The following DNAH8 variants were observed in gnomAD, a reference collection of about 807,000 sequenced individuals.
DNAH8 encodes the protein axonemal beta dynein heavy chain 8.
DNAH8 carries 382 observed loss-of-function variants against 562.1 expected under a neutral mutation model. The observed-to-expected ratio is 0.68, with a 90% CI of 0.63 to 0.74. The LOEUF (loss-of-function observed/expected upper bound fraction) is 0.74. DNAH8 is among the 30% of genes least tolerant of loss of function. The pLI is 0.00. For missense variants in DNAH8, 5,203 were observed against 5,620.4 expected (o/e 0.93, Z 2.37); for synonymous variants, 1,881 against 1,919.4 (o/e 0.98, Z 0.52).
chr6:38,729,321 A>G (rs1307740682), intron 3 of DNAH8, among the ~76,000 whole-genome samples: 2 of 152,226 alleles, frequency 1.3e-5, no homozygotes, highest in Admixed American at 6.5e-5. Context: ...TGTATTTCCC[A>G]TAGGATATTT....
chr6:39,002,947 C>T (rs754380592), intron 88 of DNAH8, among the ~76,000 whole-genome samples: 2 of 152,092 alleles, frequency 1.3e-5, no homozygotes, highest in African/African-American at 4.8e-5. Context: ...GCAGATAGTT[C>T]GGGTATGCAT....
rs774861357 is a variant in DNAH8, at chr6:38,750,568, A to G, written c.1386A>G (p.Gln462=). The G allele has an allele frequency of 4.4e-6, 7 of 1,607,012 alleles. No individual in the cohort carries two copies. The highest frequency in any genetic ancestry group is 5.1e-6 in the Non-Finnish European group (6 of 1,174,186). The change falls in exon 9 of 93, where the codon CAA becomes CAG. Residue 462 remains glutamine (Q), a synonymous_variant. Transcript: ENST00000327475. Reference sequence around the variant, plus strand: ...TGTATACTTTGGAAAAAGTGTGTCAACCTCTCTATAACCATGACCTAGTAA... The same window carrying G: ...TGTATACTTTGGAAAAAGTGTGTCAGCCTCTCTATAACCATGACCTAGTAA... The part of the protein sequence containing the change: ...RYLYTLEKVC[Q]PLYNHDLVSM...
intron 10 of DNAH8, among the ~76,000 whole-genome samples, chr6:38,757,766 T>G (rs938829088): frequency 6.6e-5 from 10 of 152,370 alleles, no homozygotes; most frequent in African/African-American, 1.9e-4. Flanking sequence ...CAGTGCCATT[T>G]ATTAAATAGG....
intron 38 of DNAH8, among the ~76,000 whole-genome samples, chr6:38,850,859 A>G (rs778508413): frequency 3.9e-5 from 6 of 151,990 alleles, no homozygotes; most frequent in Non-Finnish European, 8.8e-5. Flanking sequence ...TGTGTCTCTT[A>G]TGACGACATT....
intron 82 of DNAH8, among the ~76,000 whole-genome samples, chr6:38,961,016 G>A (rs1190057347): frequency 6.6e-6 from 1 of 151,892 alleles, no homozygotes; most frequent in Non-Finnish European, 1.5e-5. Context: ...AAAAAGAATG[G>A]CATTATGTCA....
intron 35 of DNAH8, among the ~76,000 whole-genome samples, chr6:38,845,208 C>G (rs1003223077): frequency 3.3e-5 from 5 of 152,108 alleles, no homozygotes; most frequent in African/African-American, 1.2e-4. Flanking sequence ...TCAAAAGACT[C>G]TTATGTATAT....
chr6:38,840,165 A>G (rs941828184), intron 33 of DNAH8, among the ~76,000 whole-genome samples: 8 of 152,202 alleles, frequency 5.3e-5, no homozygotes, highest in Admixed American at 1.3e-4. Context: ...ATCATCTCCA[A>G]TGGATCTGTG....
At chr6:38,802,807 A>G (rs1770898884) in intron 21 of DNAH8, among the ~76,000 whole-genome samples, 1 of 152,244 alleles carries the variant, frequency 6.6e-6, no homozygotes, top group African/African-American at 2.4e-5. Flanking sequence ...TTAACTCTCC[A>G]AACCAATACT....
In DNAH8 at chr6:38,842,242, T is replaced by C. The variant is rs995190036; in HGVS notation, c.4467-126T>C. ...TGAAAATGGATATAGTTGTATGCAT[T>C]TGGTATCTATAAGACATTGTACACG... On this transcript the variant is annotated intron_variant, in intron 33 of 92. Coordinates refer to ENST00000327475, the MANE Select transcript of DNAH8 (RefSeq NM_001206927.2). 6.1e-6 allele frequency: 4 copies of C among 660,502 alleles called. No individual in the cohort carries two copies. In the African/African-American group the frequency reaches 7.5e-5, roughly 12 times the overall value. The allele number at this position is 660,502 out of a possible 1,614,324, so 40.9% of individuals were successfully genotyped here.
rs1246682998 is a variant in DNAH8 at position 38,842,769 on chromosome 6, A to G, written c.4711A>G (p.Asn1571Asp). ...ATGTCCTCTACTGGAAATGATGACC[A>G]ATAAGGCCATGAAACAGAGACACTG... ...ESCPLLEMMT[N>D]KAMKQRHWDR... The change falls in exon 35 of 93, where the codon AAT (asparagine) becomes GAT (aspartate). Residue 1571 changes from asparagine (N) to aspartate (D), a missense_variant. Asn to Asp is a conservative substitution (Grantham distance 23). Around this residue, in one of 6 missense-constraint regions of DNAH8, gnomAD observed 2,176 missense variants for 2,365.1 expected, o/e 0.92. Coordinates refer to ENST00000327475, the MANE Select transcript of DNAH8 (RefSeq NM_001206927.2). 1 of 1,614,004 alleles carries G rather than the reference A, an allele frequency of 6.2e-7. No homozygotes were observed. Among genetic ancestry groups the G allele is most frequent in the South Asian group, 1.1e-5 (1 of 91,084 alleles).
At chr6:39,019,069 T>C (rs1766738319) in intron 91 of DNAH8, among the ~76,000 whole-genome samples, 1 of 152,002 alleles carries the variant, frequency 6.6e-6, no homozygotes, top group African/African-American at 2.4e-5. Context: ...CTTTTAGTGA[T>C]AGGAGAGGCT....
chr6:38,985,691 G>T (rs778651019), intron 87 of DNAH8, among the ~76,000 whole-genome samples: 3 of 152,142 alleles, frequency 2.0e-5, no homozygotes, highest in Admixed American at 6.5e-5. Context: ...GTCCACAAAT[G>T]GACATGTACA....
chr6:38,963,024 G>A (rs1232825533), intron 82 of DNAH8, among the ~76,000 whole-genome samples: 3 of 152,084 alleles, frequency 2.0e-5, no homozygotes, highest in South Asian at 4.1e-4. Context: ...TGGGTAGAGG[G>A]TACACTGCTT....
At chr6:38,737,303 TTAAC>T (rs1297196552) in intron 6 of DNAH8, 47 bp downstream of exon 6, 7 of 1,149,324 alleles carry the variant, frequency 6.1e-6, no homozygotes, top group Non-Finnish European at 8.1e-6. Context: ...AAGAAGCAAA[TTAAC>T]TAAGATATTT....
intron 13 of DNAH8, 104 bp from the exon 14 acceptor site, chr6:38,778,283 AG>A: frequency 1.7e-6 from 1 of 604,162 alleles, no homozygotes; most frequent in South Asian, 2.5e-5. Context: ...GATGTGTTTG[AG>A]GCTTGAGGCT....
intron 28 of DNAH8, 32 bp downstream of exon 28, chr6:38,823,720 C>T: frequency 3.3e-6 from 5 of 1,504,238 alleles, no homozygotes; most frequent in Non-Finnish European, 4.6e-6. Flanking sequence ...TGTAAAGTAT[C>T]TGTACTTTCA....
intron 74 of DNAH8, among the ~76,000 whole-genome samples, chr6:38,928,385 C>T (rs1033862395): frequency 6.6e-6 from 1 of 152,146 alleles, no homozygotes; most frequent in Non-Finnish European, 1.5e-5. Flanking sequence ...CAAATTTAGT[C>T]TTACTGGTGC....
chr6:38,970,251 T>G (rs1362129772), intron 82 of DNAH8, among the ~76,000 whole-genome samples: 1 of 152,182 alleles, frequency 6.6e-6, no homozygotes, highest in African/African-American at 2.4e-5. Context: ...ATTTGTGTGT[T>G]CTTCCGAAAT....
Position 38,741,724 on chromosome 6 carries a change from G to A in DNAH8, c.1130G>A (p.Ser377Asn). 3 of 1,610,790 alleles carry A rather than the reference G, an allele frequency of 1.9e-6. No individual in the cohort carries two copies. Among genetic ancestry groups the A allele is most frequent in the East Asian group, 2.2e-5 (1 of 44,840 alleles). ...TTTTGACTGCAGGTACTTATTGAGA[G>A]TGAGCAGATGAGAAAAGAAGCTGGT... ...YKQIEQVLIESEQMRKEAGDS... is the reference protein window; with the variant it reads ...YKQIEQVLIENEQMRKEAGDS... The change falls in exon 8 of 93, where the codon AGT (serine) becomes AAT (asparagine). Residue 377 changes from serine to asparagine, a missense_variant. Around this residue, in one of 6 missense-constraint regions of DNAH8, gnomAD observed 556 missense variants for 496.9 expected, o/e 1.12. Coordinates refer to ENST00000327475, the MANE Select transcript of DNAH8 (RefSeq NM_001206927.2).
Sources: gnomAD v4.1 joint callset for allele counts (sites outside exome capture counted in the v4.1 genomes callset) on GRCh38, gnomAD v4.1.1 for gene constraint, gnomAD v4.1.1 regional missense constraint, MANE v1.5 for transcripts, NCBI Gene and HGNC (gene_info 2026-07-23, HGNC 2026-07-21) for gene names.